The following GABRA6 variants were observed in gnomAD, a reference collection of about 807,000 sequenced individuals.
The protein encoded by GABRA6 is gamma-aminobutyric acid receptor subunit alpha-6.
In GABRA6, 45 loss-of-function variants were observed where a neutral mutation model predicts 47.3. That is an observed-to-expected ratio of 0.95 (90% CI 0.75 to 1.22). GABRA6 has a LOEUF of 1.22. Ranked by LOEUF, GABRA6 falls within the 50% of genes most tolerant of loss-of-function variation. The pLI, the probability that GABRA6 is intolerant of heterozygous loss-of-function variation, is 0.00. For synonymous variants in GABRA6, 219 were observed against 194.7 expected, an observed-to-expected ratio of 1.12 and a Z score of -1.04; for missense variants, 583 against 549.3, an observed-to-expected ratio of 1.06 and a Z score of -0.61.
At chr5:161,687,762 T>C (rs1460411230) in intron 3 of GABRA6, 4 of 164,218 alleles carry the variant, frequency 2.4e-5, no homozygotes, top group Non-Finnish European at 5.3e-5. Context: ...TGGAGACTTT[T>C]TCATTTTCTG....
Position 161,692,067 on chromosome 5 carries a change from T to G in GABRA6, c.953T>G (p.Leu318Arg). The change falls in exon 8 of 9, where the codon CTT becomes CGT. Residue 318 changes from leucine (L) to arginine (R), a missense_variant. Coordinates refer to ENST00000274545, the MANE Select transcript of GABRA6 (RefSeq NM_000811.3). ...AVCFAFVFSA[L>R]IEFAAVNYFT... is the part of the protein sequence containing the mutation. ...TGCTTTGCATTCGTCTTCTCTGCGCTTATCGAGTTCGCAGCTGTCAACTAC... is the reference window on the plus strand; with the variant it reads ...TGCTTTGCATTCGTCTTCTCTGCGCGTATCGAGTTCGCAGCTGTCAACTAC... 6.2e-7 allele frequency: 1 copy of G among 1,614,200 alleles called. No homozygotes were observed. Among genetic ancestry groups the G allele is most frequent in the South Asian group, 1.1e-5 (1 of 91,084 alleles).
Position 161,701,681 on chromosome 5 carries a change from C to T in GABRA6, c.1270C>T (p.Leu424Phe). 1 of 1,614,160 alleles carries T rather than the reference C, an allele frequency of 6.2e-7. No individual in the cohort carries two copies. The highest frequency in any genetic ancestry group is 8.5e-7 in the Non-Finnish European group (1 of 1,180,016). ...TAAAATAGACCAGTATTCTCGAATT[C>T]TCTTCCCAGTTGCATTTGCAGGATT... ...TSKIDQYSRI[L>F]FPVAFAGFNL... Residue 424 changes from leucine (L) to phenylalanine (F), a missense_variant, in exon 9 of 9, where the codon CTC becomes TTC. Transcript: ENST00000274545.
chr5:161,689,561 A>G lies in GABRA6; in HGVS notation c.530-75A>G, dbSNP rs779538253. 1.6e-5 allele frequency: 21 copies of G among 1,325,170 alleles called. No homozygotes were observed. In the African/African-American group the frequency reaches 1.9e-4, roughly 12 times the overall value. 82.1% of individuals were successfully genotyped at this position (1,325,170 alleles called of 1,614,324 possible). A position where few individuals can be genotyped will look rare whatever the true frequency, so the allele number is the denominator to read the frequency against. ...TATGTTTGTATTTCCTTTTTTATAG[A>G]CAATGTGCACTTTGAAGGAAAAAAA... On this transcript the variant is annotated intron_variant, in intron 5 of 8. Transcript: ENST00000274545.
At chr5:161,689,860 T>C in intron 6 of GABRA6, 81 bp downstream of exon 6, 1 of 1,434,200 alleles carries the variant, frequency 7.0e-7, no homozygotes, top group Non-Finnish European at 9.8e-7. Flanking sequence ...TTCTTTTTCC[T>C]TCGCCTTAGC....
At chr5:161,687,231 C>T (rs1202945680) in intron 3 of GABRA6, 2 of 556,380 alleles carry the variant, frequency 3.6e-6, no homozygotes, top group Non-Finnish European at 6.6e-6. Flanking sequence ...ATTATGTCCT[C>T]TCTTCCATCC....
At chr5:161,691,810 T>C in intron 7 of GABRA6, 131 bp from the exon 8 acceptor site, 1 of 764,068 alleles carries the variant, frequency 1.3e-6, no homozygotes, top group Non-Finnish European at 2.2e-6. Context: ...ACAATTATAA[T>C]ACAAAAAATA....
At chr5:161,697,882 A>G (rs1031718559) in intron 8 of GABRA6, among the ~76,000 whole-genome samples, 1 of 152,224 alleles carries the variant, frequency 6.6e-6, no homozygotes, top group Non-Finnish European at 1.5e-5. Context: ...ACGTTTGCTC[A>G]TCTATCAAAT....
At chr5:161,688,001 T>C (rs7733987) in intron 3 of GABRA6, among the ~76,000 whole-genome samples, 2,685 of 152,262 alleles carry the variant, frequency 0.018, 79 homozygotes, top group African/African-American at 0.06. Flanking sequence ...TTCATTCGTG[T>C]TCTAAGCCAC....
intron 7 of GABRA6, 122 bp from the exon 8 acceptor site, chr5:161,691,819 T>C (rs914021757): frequency 2.5e-6 from 2 of 805,812 alleles, no homozygotes; most frequent in African/African-American, 3.4e-5. Context: ...ATACAAAAAA[T>C]ATTTTTAAAA....
intron 5 of GABRA6, 98 bp from the exon 6 acceptor site, chr5:161,689,538 T>TA: frequency 8.6e-7 from 1 of 1,159,120 alleles, no homozygotes; most frequent in Non-Finnish European, 1.3e-6. Flanking sequence ...ATACAATCTA[T>TA]GTTTGTATTT....
At chr5:161,687,834 A>C (rs1022390112) in intron 3 of GABRA6, among the ~76,000 whole-genome samples, 1 of 152,174 alleles carries the variant, frequency 6.6e-6, no homozygotes, top group Non-Finnish European at 1.5e-5. Context: ...GTAAAGGAAG[A>C]AGAGAAAGGG....
rs1191541796 is a variant in GABRA6, at chr5:161,687,008, G to T, written c.225+5G>T. 47 of 1,613,332 alleles carry T rather than the reference G, an allele frequency of 2.9e-5. 1 individual carries two copies. Among genetic ancestry groups the T allele is most frequent in the Non-Finnish European group, 3.9e-5 (46 of 1,179,384 alleles). The stretch of plus-strand genomic sequence containing the variant: ...CCCGTGTCAGATGTGGAGATGGTGA[G>T]TAAGTTCTAAGTGAGTTGGGTGTTT... On this transcript the variant is annotated splice_donor_5th_base_variant and intron_variant, in intron 3 of 8. Coordinates refer to ENST00000274545, the MANE Select transcript of GABRA6 (RefSeq NM_000811.3).
rs765451651 is a variant in GABRA6 at position 161,686,887 on chromosome 5, C to A, written c.158-49C>A. 1.1e-5 allele frequency: 17 copies of A among 1,509,520 alleles called. No homozygotes were observed. The South Asian group carries it at 1.9e-4, about 17-fold the overall frequency. 93.5% of individuals were successfully genotyped at this position (1,509,520 alleles called of 1,614,324 possible). A position where few individuals can be genotyped will look rare whatever the true frequency, so the allele number is the denominator to read the frequency against. On this transcript the variant is annotated intron_variant, in intron 2 of 8. Transcript: ENST00000274545. ...GGTGGTAGAGGGCTGAGATCAATCC[C>A]CTTAACATCAGTGGTGATAATTGTT...
chr5:161,701,681 C>A lies in GABRA6; in HGVS notation c.1270C>A (p.Leu424Ile), dbSNP rs1374380016. The change falls in exon 9 of 9, where the codon CTC becomes ATC. Residue 424 changes from leucine (L) to isoleucine (I), a missense_variant. Coordinates refer to ENST00000274545, the MANE Select transcript of GABRA6 (RefSeq NM_000811.3). ...TAAAATAGACCAGTATTCTCGAATT[C>A]TCTTCCCAGTTGCATTTGCAGGATT... Reference protein sequence around the residue: ...TSKIDQYSRILFPVAFAGFNL... With the variant: ...TSKIDQYSRIIFPVAFAGFNL... 1.2e-6 allele frequency: 2 copies of A among 1,614,160 alleles called. No individual in the cohort carries two copies. The highest frequency in any genetic ancestry group is 1.7e-6 in the Non-Finnish European group (2 of 1,180,016).
Position 161,692,065 on chromosome 5 carries a change from G to T in GABRA6, c.951G>T (p.Ala317=), listed in dbSNP as rs12522663. The part of the protein sequence containing the change: ...IAVCFAFVFS[A]LIEFAAVNYF... ...TTTGCTTTGCATTCGTCTTCTCTGC[G>T]CTTATCGAGTTCGCAGCTGTCAACT... The change falls in exon 8 of 9, where the codon GCG becomes GCT. Residue 317 remains alanine (A), a synonymous_variant. Transcript: ENST00000274545. 1,605,157 of 1,614,206 alleles carry T rather than the reference G, an allele frequency of 0.99. 798,446 individuals are homozygous for T. The highest frequency in any genetic ancestry group is 1 in the East Asian group (44,866 of 44,866).
intron 3 of GABRA6, chr5:161,687,417 A>T (rs921748048): frequency 3.3e-5 from 14 of 427,630 alleles, no homozygotes; most frequent in Non-Finnish European, 6.4e-5. Context: ...CAACATCATT[A>T]TCAGTATATT....
At chr5:161,690,036 G>C (rs1038568153) in intron 6 of GABRA6, 165 bp from the exon 7 acceptor site, 2 of 716,642 alleles carry the variant, frequency 2.8e-6, no homozygotes, top group Non-Finnish European at 4.8e-6. Flanking sequence ...GTGTCTCTTC[G>C]CTCTATCATC....
Position 161,685,834 on chromosome 5 carries a change from G to A in GABRA6, c.-156G>A. On this transcript the variant is annotated 5_prime_UTR_variant, in exon 1 of 9. Coordinates refer to ENST00000274545, the MANE Select transcript of GABRA6 (RefSeq NM_000811.3). The stretch of plus-strand genomic sequence containing the variant: ...CCAGGGGAATCCTGCAAATTTTTAG[G>A]CAACCTCTTTATCTATTGGATTACT... 2 of 699,002 alleles carry A rather than the reference G, an allele frequency of 2.9e-6. No individual in the cohort carries two copies. Among genetic ancestry groups the A allele is most frequent in the East Asian group, 5.3e-5 (2 of 37,556 alleles). The allele number at this position is 699,002 out of a possible 1,614,324, so 43.3% of individuals were successfully genotyped here.
chr5:161,688,844 G>T (rs1187682149), intron 3 of GABRA6, 105 bp from the exon 4 acceptor site: 35 of 891,474 alleles, frequency 3.9e-5, no homozygotes, highest in Non-Finnish European at 4.7e-5. Context: ...GCGATAAAAA[G>T]TTGCTTTATT....
Sources: gnomAD v4.1 joint callset for allele counts (sites outside exome capture counted in the v4.1 genomes callset) on GRCh38, gnomAD v4.1.1 for gene constraint, MANE v1.5 for transcripts, NCBI Gene and HGNC (gene_info 2026-07-23, HGNC 2026-07-21) for gene names.